Variants in WDR72 observed in about 807,000 individuals in gnomAD.
WDR72 encodes WD repeat domain 72, also known as WD repeat-containing protein 72.
In WDR72, 120 loss-of-function variants were observed where a neutral mutation model predicts 124.2. That is an observed-to-expected ratio of 0.97 (90% confidence interval 0.83 to 1.12). The LOEUF (loss-of-function observed/expected upper bound fraction) is 1.12, where lower values mean the gene tolerates loss of function less well. Among genes scored for constraint, WDR72 ranks in the 50% most tolerant of loss-of-function variants. The pLI is 0.00. For missense variants in WDR72, 1,387 were observed against 1,278.8 expected, an observed-to-expected ratio of 1.08 and a Z score of -1.29; for synonymous variants, 452 against 441.7, an observed-to-expected ratio of 1.02 and a Z score of -0.29.
intron 13 of WDR72, among the ~76,000 whole-genome samples, chr15:53,697,614 T>C (rs1356889914): frequency 6.6e-6 from 1 of 152,160 alleles, no homozygotes; most frequent in African/African-American, 2.4e-5. Context: ...CCTTGTCTGG[T>C]CCCTAATCCC....
chr15:53,622,668 T>C (rs540819023), intron 14 of WDR72, among the ~76,000 whole-genome samples: 55 of 152,104 alleles, frequency 3.6e-4, no homozygotes, highest in African/African-American at 1.2e-3. Flanking sequence ...AAATAGTTAA[T>C]GCATGCTGGC....
At chr15:53,613,260 T>C (rs1595793759) in intron 16 of WDR72, among the ~76,000 whole-genome samples, 1 of 152,094 alleles carries the variant, frequency 6.6e-6, no homozygotes, top group Non-Finnish European at 1.5e-5. Context: ...ATAAAGATGA[T>C]GCAATAAACT....
At chr15:53,548,798 G>A in intron 18 of WDR72, among the ~76,000 whole-genome samples, 1 of 152,158 alleles carries the variant, frequency 6.6e-6, no homozygotes, top group Admixed American at 6.5e-5. Context: ...GAAGGGGCTT[G>A]TAAATCACAG....
chr15:53,751,080 G>C (rs190948220), intron 1 of WDR72, among the ~76,000 whole-genome samples: 2 of 152,252 alleles, frequency 1.3e-5, no homozygotes, highest in Non-Finnish European at 2.9e-5. Context: ...TGGGTAAAAG[G>C]CTATCAGACA....
intron 16 of WDR72, 40 bp downstream of exon 16, chr15:53,613,626 A>G: frequency 7.0e-7 from 1 of 1,422,856 alleles, no homozygotes; most frequent in South Asian, 1.1e-5. Flanking sequence ...TTTCACAGAA[A>G]AAAAAAATCA....
At chr15:53,642,751 C>T (rs1249452490) in intron 14 of WDR72, among the ~76,000 whole-genome samples, 5 of 152,060 alleles carry the variant, frequency 3.3e-5, no homozygotes, top group Admixed American at 3.3e-4. Context: ...AAAGAAAATG[C>T]TTTCAAATTT....
chr15:53,531,310 GTAT>G (rs1394307646), intron 18 of WDR72, among the ~76,000 whole-genome samples: 16 of 150,312 alleles, frequency 1.1e-4, no homozygotes. Flanking sequence ...TCAGTAGTGA[GTAT>G]CACTTTCTCA....
At chr15:53,665,168 A>T (rs1229112775) in intron 14 of WDR72, among the ~76,000 whole-genome samples, 2 of 151,832 alleles carry the variant, frequency 1.3e-5, no homozygotes, top group Non-Finnish European at 2.9e-5. Context: ...ATATCAAAAG[A>T]ATTATCCATA....
chr15:53,523,330 A>AAAAG lies in WDR72; in HGVS notation c.3149-9_3149-8insCTTT. 1 of 1,574,988 alleles carries AAAAG rather than the reference A, an allele frequency of 6.3e-7. No individual in the cohort carries two copies. The highest frequency in any genetic ancestry group is 1.1e-5 in the South Asian group (1 of 89,706). On this transcript the variant is annotated splice_polypyrimidine_tract_variant and intron_variant, in intron 18 of 19. Transcript: ENST00000360509. ...TGACCGGGCTGACTGGAGCTATTAA[A>AAAAG]AGAGAGAGAGAGAGAGAGAGAGACA...
At chr15:53,570,362 T>G (rs188099863) in intron 18 of WDR72, among the ~76,000 whole-genome samples, 2 of 151,414 alleles carry the variant, frequency 1.3e-5, no homozygotes, top group African/African-American at 4.8e-5. Context: ...TGCTGTACAA[T>G]AGGTACCTGG....
At chr15:53,679,537 GGAGA>G (rs140617468) in intron 13 of WDR72, among the ~76,000 whole-genome samples, 1 of 152,054 alleles carries the variant, frequency 6.6e-6, no homozygotes, top group South Asian at 2.1e-4. Context: ...GGCTGAGGAT[GGAGA>G]GAGAGAGGGA....
chr15:53,644,523 G>A (rs1254977623), intron 14 of WDR72, among the ~76,000 whole-genome samples: 1 of 152,000 alleles, frequency 6.6e-6, no homozygotes, highest in Non-Finnish European at 1.5e-5. Context: ...ATTTTATAGG[G>A]AGCCATAAGC....
intron 2 of WDR72, among the ~76,000 whole-genome samples, chr15:53,732,050 T>C (rs969288365): frequency 6.6e-6 from 1 of 152,196 alleles, no homozygotes; most frequent in African/African-American, 2.4e-5. Flanking sequence ...ATTAATGTTT[T>C]AATTTTCAAA....
At chr15:53,544,877 CAG>C (rs1341420361) in intron 18 of WDR72, among the ~76,000 whole-genome samples, 2 of 151,594 alleles carry the variant, frequency 1.3e-5, no homozygotes, top group South Asian at 4.2e-4. Context: ...AACAGACAAA[CAG>C]AGAGCCAAAT....
chr15:53,707,450 T>C (rs1421617778), intron 9 of WDR72, among the ~76,000 whole-genome samples: 2 of 19,030 alleles, frequency 1.1e-4, no homozygotes, highest in East Asian at 2.6e-3. Context: ...AGTTTCTAAA[T>C]GAATTTTTTT....
intron 14 of WDR72, among the ~76,000 whole-genome samples, chr15:53,634,840 G>GGGGGACTGAAT (rs1368946178): frequency 6.6e-6 from 1 of 152,206 alleles, no homozygotes; most frequent in Non-Finnish European, 1.5e-5. Flanking sequence ...TGAATGGGTA[G>GGGGGACTGAAT]GGGGACTGAA....
In WDR72 at chr15:53,706,053, T is replaced by A; in HGVS notation, c.976A>T (p.Met326Leu). ...TCTTTCCTTTCATTCATGTAGCCCA[T>A]AACAAAGGGACGGCTCTGTTCCTAA... is the stretch of plus-strand genomic sequence containing the variant. ...ENKEQSRPFV[M>L]GYMNERKEPF... Residue 326 changes from methionine (M) to leucine (L), a missense_variant, in exon 10 of 20, where the codon ATG becomes TTG. By Grantham distance (15) the Met-to-Leu change is conservative (BLOSUM62 2). Transcript: ENST00000360509. The A allele has an allele frequency of 6.2e-7, 1 of 1,614,010 alleles. No individual in the cohort carries two copies. The highest frequency in any genetic ancestry group is 8.5e-7 in the Non-Finnish European group (1 of 1,179,994).
At chr15:53,568,085 T>A (rs200035433) in intron 18 of WDR72, among the ~76,000 whole-genome samples, 3,210 of 139,668 alleles carry the variant, frequency 0.023, 56 homozygotes, top group Admixed American at 0.034. Flanking sequence ...TTTTTTTTTT[T>A]ATTTTTTTAA....
rs1296771169 is a variant in WDR72 at position 53,702,301 on chromosome 15, G to A, written c.1402C>T (p.Leu468Phe). ...TTCGAAGAGAGACCATGTGGATAGA[G>A]TAATGAAGTGACACTTTGGTGGTGG... ...KGHHQSVTSL[L>F]YPHGLSSKLD... The change falls in exon 12 of 20, where the codon CTC (leucine) becomes TTC (phenylalanine). Residue 468 changes from leucine to phenylalanine, a missense_variant. By Grantham distance (22) the Leu-to-Phe change is conservative. Coordinates refer to ENST00000360509, the MANE Select transcript of WDR72 (RefSeq NM_182758.4). 3 of 1,613,950 alleles carry A rather than the reference G, an allele frequency of 1.9e-6. No individual in the cohort carries two copies. Among genetic ancestry groups the A allele is most frequent in the African/African-American group, 2.7e-5 (2 of 74,930 alleles).
Sources: allele counts gnomAD v4.1 joint callset (sites outside exome capture counted in the v4.1 genomes callset), GRCh38; gene constraint gnomAD v4.1.1; transcripts MANE v1.5; gene names NCBI Gene and HGNC (gene_info 2026-07-23, HGNC 2026-07-21).